Variants in UBE4B observed in about 807,000 individuals in gnomAD.
UBE4B encodes the protein ubiquitin conjugation factor E4 B.
In UBE4B, 27 loss-of-function variants were observed where a neutral mutation model predicts 148.1. That is an observed-to-expected ratio of 0.18 (90% confidence interval 0.13 to 0.25). UBE4B has a LOEUF of 0.25. Ranked by LOEUF, UBE4B falls within the 10% of genes least tolerant of loss-of-function variation. The pLI is 1.00. For synonymous variants in UBE4B, 596 were observed against 619.3 expected (o/e 0.96, Z 0.56); for missense variants, 1,170 against 1,662.4 (o/e 0.70, Z 5.15).
chr1:10,144,595 C>T (rs1645836946), intron 17 of UBE4B, among the ~76,000 whole-genome samples: 1 of 151,960 alleles, frequency 6.6e-6, no homozygotes, highest in Non-Finnish European at 1.5e-5. Context: ...ATTAGCTGGG[C>T]ATGGTGGTGA....
chr1:10,035,546 G>A (rs1400905165), intron 1 of UBE4B, among the ~76,000 whole-genome samples: 5 of 148,354 alleles, frequency 3.4e-5, no homozygotes, highest in Admixed American at 6.8e-5. Flanking sequence ...ACAAGCGCCC[G>A]CCACCACTCC....
chr1:10,112,099 G>T (rs534152375), intron 7 of UBE4B, among the ~76,000 whole-genome samples: 1 of 152,296 alleles, frequency 6.6e-6, no homozygotes, highest in South Asian at 2.1e-4. Context: ...GATTCAGTCT[G>T]CACAGATCGG....
chr1:10,118,581 C>T (rs1366157994), intron 8 of UBE4B, among the ~76,000 whole-genome samples: 10 of 151,382 alleles, frequency 6.6e-5, no homozygotes, highest in African/African-American at 9.7e-5. Flanking sequence ...CTCGGCTCAC[C>T]GCAACCTCTG....
At chr1:10,055,109 C>G (rs1009746193) in intron 1 of UBE4B, among the ~76,000 whole-genome samples, 4 of 152,140 alleles carry the variant, frequency 2.6e-5, no homozygotes, top group Non-Finnish European at 5.9e-5. Flanking sequence ...AACAGATGTC[C>G]TTGTGCCAAA....
chr1:10,106,446 C>T lies in UBE4B; in HGVS notation c.1059C>T (p.Pro353=). ...GVSILSSSPS[P]PALASSPQAV... ...CCATTCTGTCGAGCTCCCCAAGTCC[C>T]CCTGCCCTCGCCAGTAGCCCCCAAG... Residue 353 remains proline (P), a synonymous_variant, in exon 7 of 28, where the codon CCC becomes CCT. Transcript: ENST00000343090. The surrounding 1 kb of genome is among the most constrained non-coding windows in gnomAD (Gnocchi z 4.2). The T allele has an allele frequency of 6.2e-7, 1 of 1,613,978 alleles. No individual in the cohort carries two copies. Among genetic ancestry groups the T allele is most frequent in the East Asian group, 2.2e-5 (1 of 44,872 alleles).
At chr1:10,103,169 T>C (rs1228841833) in intron 5 of UBE4B, 77 bp downstream of exon 5, 13 of 1,440,236 alleles carry the variant, frequency 9.0e-6, no homozygotes, top group South Asian at 2.7e-5. Context: ...CCCTCTGTTA[T>C]CCACATTCAC....
chr1:10,101,219 G>GTA, intron 4 of UBE4B, 24 bp downstream of exon 4: 1 of 1,608,242 alleles, frequency 6.2e-7, no homozygotes, highest in South Asian at 1.1e-5. Flanking sequence ...GAAGCCCTTG[G>GTA]TACAGGTAAT....
At chr1:10,158,286 T>C (rs1646106096) in intron 21 of UBE4B, 70 bp from the exon 22 acceptor site, 2 of 1,568,130 alleles carry the variant, frequency 1.3e-6, no homozygotes, top group Non-Finnish European at 1.7e-6. Flanking sequence ...AGTATCATTG[T>C]TGGGGCAATA....
intron 1 of UBE4B, among the ~76,000 whole-genome samples, chr1:10,068,342 C>T (rs1450843483): frequency 6.9e-6 from 1 of 144,994 alleles, no homozygotes; most frequent in Non-Finnish European, 1.5e-5. Context: ...GTTTTCTTTT[C>T]TTTTTTCTTT....
At chr1:10,132,573 G>C in intron 15 of UBE4B, 91 bp downstream of exon 15, 1 of 1,086,832 alleles carries the variant, frequency 9.2e-7, no homozygotes, top group South Asian at 1.4e-5. Flanking sequence ...TGTTCTAGGA[G>C]TGGGGGTACA....
At chr1:10,171,035 G>A in intron 24 of UBE4B, 103 bp from the exon 25 acceptor site, 1 of 1,266,664 alleles carries the variant, frequency 7.9e-7, no homozygotes, top group Non-Finnish European at 1.1e-6. Context: ...ATTCTTTGAA[G>A]ATTAATCCAA....
chr1:10,117,173 C>G (rs768200182), intron 7 of UBE4B, among the ~76,000 whole-genome samples: 3 of 152,190 alleles, frequency 2.0e-5, no homozygotes, highest in Non-Finnish European at 4.4e-5. Flanking sequence ...TGTGATGTCC[C>G]TTCCAATGCT....
Position 10,178,780 on chromosome 1 carries a change from C to T in UBE4B, c.3662C>T (p.Ala1221Val). Residue 1221 changes from alanine to valine, a missense_variant, in exon 26 of 28, where the codon GCA becomes GTA. Transcript: ENST00000343090. ...VEEIVAKNAR[A>V]EIDYSDAPDE... The stretch of plus-strand genomic sequence containing the variant: ...GAGATAGTGGCCAAGAACGCACGCG[C>T]AGAAATCGACTACAGCGACGCTCCT... 1 of 1,613,104 alleles carries T rather than the reference C, an allele frequency of 6.2e-7. No homozygotes were observed. Among genetic ancestry groups the T allele is most frequent in the Non-Finnish European group, 8.5e-7 (1 of 1,179,770 alleles).
chr1:10,113,223 C>T (rs1645250111), intron 7 of UBE4B, among the ~76,000 whole-genome samples: 1 of 152,082 alleles, frequency 6.6e-6, no homozygotes, highest in South Asian at 2.1e-4. Flanking sequence ...AGGAGGATGT[C>T]CCAGACTCTT....
intron 25 of UBE4B, among the ~76,000 whole-genome samples, chr1:10,175,403 G>A (rs1421955655): frequency 6.6e-6 from 1 of 152,102 alleles, no homozygotes; most frequent in Non-Finnish European, 1.5e-5. Flanking sequence ...TGTAATCCCA[G>A]CACTTTGGGA....
At chr1:10,095,626 C>T in intron 3 of UBE4B, 30 bp downstream of exon 3, 5 of 1,613,266 alleles carry the variant, frequency 3.1e-6, no homozygotes, top group Non-Finnish European at 4.2e-6. Context: ...CTAATATGCT[C>T]TTTTATTTAG....
At chr1:10,122,649 T>G (rs559709738) in intron 10 of UBE4B, among the ~76,000 whole-genome samples, 3 of 152,354 alleles carry the variant, frequency 2.0e-5, no homozygotes, top group African/African-American at 7.2e-5. Flanking sequence ...GCTGTGTACG[T>G]AGTCTTGAAG....
intron 1 of UBE4B, among the ~76,000 whole-genome samples, chr1:10,062,587 C>T (rs1432340490): frequency 1.3e-5 from 2 of 151,592 alleles, no homozygotes; most frequent in African/African-American, 4.8e-5. Flanking sequence ...GTTGGGGCTG[C>T]AGGCGTAAGC....
In UBE4B at chr1:10,095,383, C is replaced by T. The variant is rs1045364987; in HGVS notation, c.212-78C>T. 11 of 1,555,210 alleles carry T rather than the reference C, an allele frequency of 7.1e-6. No homozygotes were observed. In the African/African-American group the frequency reaches 9.6e-5, roughly 14 times the overall value. ...TCATGATGGGTGACTGCAGATTGTG[C>T]GTGTTTACTGTCGCTATTACAAATA... On this transcript the variant is annotated intron_variant, in intron 2 of 27. Coordinates refer to ENST00000343090, the MANE Select transcript of UBE4B (RefSeq NM_001105562.3).
Sources: allele counts gnomAD v4.1 joint callset (sites outside exome capture counted in the v4.1 genomes callset), GRCh38; gene constraint gnomAD v4.1.1; non-coding constraint Gnocchi (gnomAD v3.1); transcripts MANE v1.5; gene names NCBI Gene and HGNC (gene_info 2026-07-23, HGNC 2026-07-21).